CSNK1A1: variants seen among roughly 807,000 people sequenced by gnomAD.
CSNK1A1 encodes casein kinase I isoform alpha.
A neutral mutation model predicts 46.1 loss-of-function variants in CSNK1A1; 7 were observed. The observed-to-expected ratio is 0.15, with a 90% CI of 0.09 to 0.29. The LOEUF (loss-of-function observed/expected upper bound fraction) is 0.29. CSNK1A1 is among the 10% of genes least tolerant of loss of function. The pLI is 1.00. For missense variants in CSNK1A1, 96 were observed against 417.1 expected (o/e 0.23, Z 6.71); for synonymous variants, 137 against 141.5 (o/e 0.97, Z 0.23).
intron 9 of CSNK1A1, chr5:149,497,504 C>G: frequency 2.0e-6 from 2 of 985,598 alleles, no homozygotes; most frequent in Non-Finnish European, 2.4e-6. Context: ...TCTACAAATA[C>G]TTCCCTCCTC....
At chr5:149,546,141 A>G (rs1448483986) in intron 2 of CSNK1A1, among the ~76,000 whole-genome samples, 1 of 151,320 alleles carries the variant, frequency 6.6e-6, no homozygotes, top group Non-Finnish European at 1.5e-5. Context: ...GGCTCAGGCA[A>G]TCTGCCCACC....
chr5:149,505,188 G>A (rs1314998332), intron 9 of CSNK1A1: 26 of 1,112,162 alleles, frequency 2.3e-5, no homozygotes, highest in Non-Finnish European at 2.8e-5. Context: ...TTAAAAAAAT[G>A]ACCCAAAATC....
At chr5:149,529,879 C>T (rs1313565241) in intron 2 of CSNK1A1, among the ~76,000 whole-genome samples, 2 of 151,710 alleles carry the variant, frequency 1.3e-5, no homozygotes, top group Non-Finnish European at 2.9e-5. Context: ...ATACTATAGC[C>T]GGAGATTTCA....
At chr5:149,512,169 G>T (rs1761244676) in intron 5 of CSNK1A1, among the ~76,000 whole-genome samples, 1 of 151,608 alleles carries the variant, frequency 6.6e-6, no homozygotes. Context: ...AACCAAGCAG[G>T]ATGACATTTC....
chr5:149,496,980 G>C, intron 9 of CSNK1A1, 120 bp from the exon 10 acceptor site: 2 of 1,463,880 alleles, frequency 1.4e-6, no homozygotes, highest in Non-Finnish European at 1.8e-6. Flanking sequence ...ATGTTATTTC[G>C]TCTCTTGTGA....
At chr5:149,505,362 C>T in intron 9 of CSNK1A1, 85 bp downstream of exon 9, 1 of 1,495,822 alleles carries the variant, frequency 6.7e-7, no homozygotes, top group Non-Finnish European at 8.9e-7. Flanking sequence ...AAACCACCTC[C>T]TTGATCTAAC....
At chr5:149,501,977 A>ATTATT in intron 9 of CSNK1A1, 1 of 937,486 alleles carries the variant, frequency 1.1e-6, no homozygotes, top group Non-Finnish European at 1.3e-6. Flanking sequence ...ACTAGTATAG[A>ATTATT]TAATAAGTGG....
chr5:149,526,292 T>C (rs1233884726), intron 2 of CSNK1A1, among the ~76,000 whole-genome samples: 1 of 152,156 alleles, frequency 6.6e-6, no homozygotes, highest in Non-Finnish European at 1.5e-5. Context: ...CGTGCCATCA[T>C]GCCCAGCTAA....
intron 6 of CSNK1A1, among the ~76,000 whole-genome samples, chr5:149,510,927 G>C (rs963382171): frequency 2.0e-5 from 3 of 152,158 alleles, no homozygotes; most frequent in African/African-American, 7.2e-5. Flanking sequence ...ACTCATATTA[G>C]ATAAAGCTAC....
At chr5:149,527,152 G>A (rs1282601508) in intron 2 of CSNK1A1, among the ~76,000 whole-genome samples, 1 of 150,572 alleles carries the variant, frequency 6.6e-6, no homozygotes, top group South Asian at 2.1e-4. Context: ...TTGAGACACA[G>A]TCTCTTGCTC....
chr5:149,530,029 T>C (rs1191973862), intron 2 of CSNK1A1, among the ~76,000 whole-genome samples: 1 of 152,208 alleles, frequency 6.6e-6, no homozygotes, highest in Non-Finnish European at 1.5e-5. Flanking sequence ...AGTGTAATTA[T>C]TGTAATATGC....
chr5:149,503,541 T>C (rs1022395852), intron 9 of CSNK1A1: 2 of 985,030 alleles, frequency 2.0e-6, no homozygotes, highest in Non-Finnish European at 2.4e-6. Context: ...ATAATTTGTA[T>C]GACCATTGTC....
chr5:149,541,670 A>G (rs1472525724), intron 2 of CSNK1A1, among the ~76,000 whole-genome samples: 1 of 152,102 alleles, frequency 6.6e-6, no homozygotes, highest in Non-Finnish European at 1.5e-5. Flanking sequence ...TACAGCTTAA[A>G]TATACTTTAA....
At chr5:149,546,043 C>T (rs899940955) in intron 2 of CSNK1A1, among the ~76,000 whole-genome samples, 8 of 151,808 alleles carry the variant, frequency 5.3e-5, no homozygotes, top group Non-Finnish European at 8.8e-5. Context: ...CGCACGCCAC[C>T]ACACCAGGCT....
chr5:149,509,655 C>T (rs756544925), intron 7 of CSNK1A1, among the ~76,000 whole-genome samples: 3 of 152,234 alleles, frequency 2.0e-5, no homozygotes, highest in Admixed American at 6.5e-5. Context: ...CCGCCCACCT[C>T]GGCCTTCTAA....
intron 9 of CSNK1A1, chr5:149,498,227 C>CT (rs554122474): frequency 0.027 from 18,386 of 680,250 alleles, no homozygotes; most frequent in Middle Eastern, 0.036. Flanking sequence ...ATATATGCCC[C>CT]TTTTTTTTTT....
chr5:149,505,063 T>C (rs1452791577), intron 9 of CSNK1A1: 1 of 989,656 alleles, frequency 1.0e-6, no homozygotes, highest in Non-Finnish European at 1.2e-6. Context: ...ACCAAATTCA[T>C]TATTAGAAAT....
chr5:149,502,072 T>G (rs1760875035), intron 9 of CSNK1A1: 3 of 984,168 alleles, frequency 3.0e-6, no homozygotes, highest in Non-Finnish European at 3.6e-6. Context: ...GTCTGCCTAT[T>G]ATTTAATAGG....
At chr5:149,510,484 G>A (rs1360929842) in intron 6 of CSNK1A1, among the ~76,000 whole-genome samples, 1 of 150,616 alleles carries the variant, frequency 6.6e-6, no homozygotes, top group Non-Finnish European at 1.5e-5. Context: ...TTGTTTGTTT[G>A]TTTGTTTTTT....
Sources: allele counts gnomAD v4.1 joint callset (sites outside exome capture counted in the v4.1 genomes callset), GRCh38; gene constraint gnomAD v4.1.1; transcripts MANE v1.5; gene names NCBI Gene and HGNC (gene_info 2026-07-23, HGNC 2026-07-21).